The following HS3ST4 variants were observed in gnomAD, a reference collection of about 807,000 sequenced individuals.
HS3ST4 encodes heparan sulfate-glucosamine 3-sulfotransferase 4, also known as heparan sulfate glucosamine 3-O-sulfotransferase 4.
HS3ST4 carries 17 observed loss-of-function variants against 29.2 expected under a neutral mutation model. The ratio of observed to expected loss-of-function variants is 0.58; its 90% CI spans 0.40 to 0.87. The LOEUF is 0.87. Among genes scored for constraint, HS3ST4 ranks in the 40% least tolerant of loss-of-function variants. The pLI is 0.00. For missense variants in HS3ST4, 627 were observed against 634.5 expected (o/e 0.99, Z 0.13); for synonymous variants, 314 against 285.7 (o/e 1.10, Z -1.00).
chr16:25,712,672 TA>T (rs969980867), intron 1 of HS3ST4, among the ~76,000 whole-genome samples: 7 of 150,308 alleles, frequency 4.7e-5, no homozygotes, highest in East Asian at 1.9e-4. Context: ...TCAAGATTGT[TA>T]AAAAAAAACA....
chr16:25,730,491 C>T (rs112769131), intron 1 of HS3ST4, among the ~76,000 whole-genome samples: 3,665 of 134,526 alleles, frequency 0.027, 194 homozygotes, highest in African/African-American at 0.097. Flanking sequence ...TCCTTCTTTC[C>T]TTCTCTTTTC....
chr16:25,946,940 A>G (rs1426991901), intron 1 of HS3ST4, among the ~76,000 whole-genome samples: 1 of 152,216 alleles, frequency 6.6e-6, no homozygotes, highest in Non-Finnish European at 1.5e-5. Context: ...AAGGGAAAGC[A>G]TAACACCCAA....
chr16:25,854,533 A>G (rs566131821), intron 1 of HS3ST4, among the ~76,000 whole-genome samples: 1 of 152,156 alleles, frequency 6.6e-6, no homozygotes, highest in South Asian at 2.1e-4. Flanking sequence ...CTCCTATCTC[A>G]TCCTGTGACT....
intron 1 of HS3ST4, among the ~76,000 whole-genome samples, chr16:25,876,068 C>T (rs753349580): frequency 3.9e-5 from 6 of 152,122 alleles, no homozygotes; most frequent in Non-Finnish European, 8.8e-5. Flanking sequence ...GATGCCCAAA[C>T]CCAATTTGAC....
At chr16:25,754,904 CCCATCCACCCAT>C (rs1353332975) in intron 1 of HS3ST4, among the ~76,000 whole-genome samples, 1 of 151,404 alleles carries the variant, frequency 6.6e-6, no homozygotes, top group Non-Finnish European at 1.5e-5. Flanking sequence ...CATCAACCTG[CCCATCCACCCAT>C]CCATCCATTC....
intron 1 of HS3ST4, among the ~76,000 whole-genome samples, chr16:25,821,510 A>G (rs1967155991): frequency 6.6e-6 from 1 of 152,134 alleles, no homozygotes. Flanking sequence ...CTGTTGCAAT[A>G]GCTTTTCCTC....
intron 1 of HS3ST4, among the ~76,000 whole-genome samples, chr16:26,045,737 A>G (rs1898257687): frequency 6.6e-6 from 1 of 152,180 alleles, no homozygotes; most frequent in Non-Finnish European, 1.5e-5. Context: ...CTCTCTTGAC[A>G]TTGTCATCTT....
At chr16:26,109,587 C>T (rs1471211462) in intron 1 of HS3ST4, among the ~76,000 whole-genome samples, 4 of 151,420 alleles carry the variant, frequency 2.6e-5, no homozygotes, top group Admixed American at 6.6e-5. Flanking sequence ...CATCACCCCA[C>T]ACCTCTAATC....
intron 1 of HS3ST4, among the ~76,000 whole-genome samples, chr16:25,764,648 T>G (rs751133833): frequency 1.8e-4 from 28 of 152,228 alleles, no homozygotes; most frequent in Non-Finnish European, 3.5e-4. Flanking sequence ...TGACTGCCCC[T>G]AGAATAGGGA....
intron 1 of HS3ST4, among the ~76,000 whole-genome samples, chr16:25,968,390 G>T (rs1013621987): frequency 6.6e-5 from 10 of 152,134 alleles, no homozygotes; most frequent in Admixed American, 2.0e-4. Context: ...TTTCCATGAG[G>T]CAATGCACCA....
intron 1 of HS3ST4, among the ~76,000 whole-genome samples, chr16:25,855,341 A>G (rs1054835978): frequency 3.4e-4 from 51 of 152,026 alleles, no homozygotes; most frequent in Admixed American, 3.1e-3. Flanking sequence ...AAGGTGTCAG[A>G]CTCTTAGGTA....
chr16:25,876,831 C>G (rs1447047461), intron 1 of HS3ST4, among the ~76,000 whole-genome samples: 1 of 152,116 alleles, frequency 6.6e-6, no homozygotes, highest in Non-Finnish European at 1.5e-5. Flanking sequence ...TATCTCCTCT[C>G]CAAGCTGAGC....
At chr16:25,767,799 T>C (rs987341672) in intron 1 of HS3ST4, among the ~76,000 whole-genome samples, 4 of 152,112 alleles carry the variant, frequency 2.6e-5, no homozygotes, top group Admixed American at 2.6e-4. Flanking sequence ...AAAGGCAAAG[T>C]CCCATACTCA....
intron 1 of HS3ST4, among the ~76,000 whole-genome samples, chr16:25,932,229 G>A (rs914459671): frequency 2.6e-5 from 4 of 152,140 alleles, no homozygotes; most frequent in Non-Finnish European, 5.9e-5. Context: ...TGGGAGGATC[G>A]CTTGAGACCA....
intron 1 of HS3ST4, among the ~76,000 whole-genome samples, chr16:25,866,329 A>G (rs1456263070): frequency 6.6e-6 from 1 of 152,222 alleles, no homozygotes; most frequent in South Asian, 2.1e-4. Context: ...TCTTTTGCTT[A>G]GAGAGTTTAT....
intron 1 of HS3ST4, among the ~76,000 whole-genome samples, chr16:25,957,999 T>C (rs1324611538): frequency 6.6e-6 from 1 of 152,148 alleles, no homozygotes; most frequent in Non-Finnish European, 1.5e-5. Context: ...TTCAGGTGTG[T>C]GTGCTACGGG....
chr16:25,883,277 A>C (rs1275099761), intron 1 of HS3ST4, among the ~76,000 whole-genome samples: 1 of 151,854 alleles, frequency 6.6e-6, no homozygotes. Flanking sequence ...TGAAACTCAA[A>C]AAGCCTTTTG....
rs9923577 is a variant in HS3ST4, at chr16:25,814,553, G to A, written c.734+121402G>A. Reference sequence around the variant, plus strand: ...GTAGAGACGGAGTTTCACCATGTTGGTCAGGCTGGTCTGGAAGTCCTGACC... The same window carrying A: ...GTAGAGACGGAGTTTCACCATGTTGATCAGGCTGGTCTGGAAGTCCTGACC... On this transcript the variant is annotated intron_variant, in intron 1 of 1. Coordinates refer to ENST00000331351, the MANE Select transcript of HS3ST4 (RefSeq NM_006040.3). 2.4e-3 allele frequency among the ~76,000 whole-genome samples: 361 copies of A among 152,200 alleles called. 3 individuals carry two copies. Among genetic ancestry groups the A allele is most frequent in the African/African-American group, 8.0e-3 (332 of 41,538 alleles).
intron 1 of HS3ST4, among the ~76,000 whole-genome samples, chr16:25,770,491 T>C (rs1966840436): frequency 1.3e-5 from 2 of 152,064 alleles, no homozygotes; most frequent in African/African-American, 4.8e-5. Context: ...AGGCCACACA[T>C]TGAGGAAGGG....
Sources: gnomAD v4.1 joint callset for allele counts (sites outside exome capture counted in the v4.1 genomes callset) on GRCh38, gnomAD v4.1.1 for gene constraint, MANE v1.5 for transcripts, NCBI Gene and HGNC (gene_info 2026-07-23, HGNC 2026-07-21) for gene names.